UNC5C: variants seen among roughly 807,000 people sequenced by gnomAD.
UNC5C encodes the protein unc-5 netrin receptor C, also known as netrin receptor UNC5C.
UNC5C carries 47 observed loss-of-function variants against 99.8 expected under a neutral mutation model. The observed-to-expected ratio is 0.47, with a 90% CI of 0.37 to 0.60. UNC5C has a LOEUF of 0.60. Among genes scored for constraint, UNC5C ranks in the 20% least tolerant of loss-of-function variants. UNC5C has a pLI of 0.00. For synonymous variants in UNC5C, 487 were observed against 452.2 expected (o/e 1.08, Z -0.98); for missense variants, 1,062 against 1,165.9 (o/e 0.91, Z 1.30).
Position 95,202,957 on chromosome 4 carries a change from A to G in UNC5C, c.1910T>C (p.Val637Ala). 3 of 1,614,028 alleles carry G rather than the reference A, an allele frequency of 1.9e-6. No homozygotes were observed. Among genetic ancestry groups the G allele is most frequent in the Non-Finnish European group, 2.5e-6 (3 of 1,180,008 alleles). ...GGTGAAGTTTTCCTCCCCGACCACC[A>G]CCACATCCTGGGGGACAAGAGGGAA... ...QAAQGQWEDV[V>A]VVGEENFTTP... Residue 637 changes from valine (V) to alanine (A), a missense_variant, in exon 12 of 16, where the codon GTG becomes GCG. Physicochemically the swap from Val to Ala is moderately conservative, Grantham distance 64 (BLOSUM62 0). Around this residue, in one of 3 missense-constraint regions of UNC5C, gnomAD observed 810 missense variants for 854.5 expected, o/e 0.95. Transcript: ENST00000453304.
At chr4:95,206,841 T>C in intron 10 of UNC5C, 45 bp from the exon 11 acceptor site, 1 of 1,470,542 alleles carries the variant, frequency 6.8e-7, no homozygotes, top group Non-Finnish European at 9.0e-7. Flanking sequence ...TTCCATTGTA[T>C]TCATGAACTA....
intron 1 of UNC5C, among the ~76,000 whole-genome samples, chr4:95,371,427 G>A: frequency 1.7e-5 from 1 of 59,326 alleles, no homozygotes; most frequent in African/African-American, 1.1e-4. Context: ...ATTTTGTGGG[G>A]GGGGGGGAGT....
intron 1 of UNC5C, among the ~76,000 whole-genome samples, chr4:95,420,441 C>A (rs186271571): frequency 1.2e-4 from 18 of 152,008 alleles, no homozygotes; most frequent in Admixed American, 9.2e-4. Context: ...AGTTATTAGC[C>A]CTTACACTCT....
intron 1 of UNC5C, among the ~76,000 whole-genome samples, chr4:95,370,791 A>G (rs1744724070): frequency 1.3e-5 from 2 of 152,198 alleles, no homozygotes. Context: ...ATCATAAGAA[A>G]AGCACTACAT....
At chr4:95,535,279 T>G (rs1269131465) in intron 1 of UNC5C, among the ~76,000 whole-genome samples, 1 of 152,176 alleles carries the variant, frequency 6.6e-6, no homozygotes, top group Non-Finnish European at 1.5e-5. Context: ...TACCAATTTA[T>G]TTTAAGAATT....
chr4:95,456,176 C>T (rs1293521722), intron 1 of UNC5C, among the ~76,000 whole-genome samples: 1 of 151,638 alleles, frequency 6.6e-6, no homozygotes, highest in Non-Finnish European at 1.5e-5. Flanking sequence ...GCAATGAAAG[C>T]CTTAATATGG....
chr4:95,464,963 G>A (rs1747728509), intron 1 of UNC5C, among the ~76,000 whole-genome samples: 1 of 152,134 alleles, frequency 6.6e-6, no homozygotes, highest in Admixed American at 6.5e-5. Context: ...TACGACAAGT[G>A]GGTGTTAAAT....
intron 1 of UNC5C, among the ~76,000 whole-genome samples, chr4:95,386,840 G>A (rs1745224918): frequency 6.6e-6 from 1 of 151,868 alleles, no homozygotes; most frequent in Admixed American, 6.6e-5. Flanking sequence ...GTGAAGCTGT[G>A]TTTTTTTTCT....
At chr4:95,479,290 G>T (rs1221241462) in intron 1 of UNC5C, among the ~76,000 whole-genome samples, 1 of 151,892 alleles carries the variant, frequency 6.6e-6, no homozygotes, top group Non-Finnish European at 1.5e-5. Context: ...CTCACTGTGT[G>T]TCTCTATTTT....
intron 3 of UNC5C, among the ~76,000 whole-genome samples, chr4:95,287,621 A>C (rs2149398177): frequency 6.6e-6 from 1 of 152,250 alleles, no homozygotes; most frequent in South Asian, 2.1e-4. Flanking sequence ...TTTTCTCCAG[A>C]GTCTGGATTT....
intron 1 of UNC5C, among the ~76,000 whole-genome samples, chr4:95,420,266 AT>A (rs1458250190): frequency 4.6e-5 from 7 of 152,126 alleles, no homozygotes; most frequent in Non-Finnish European, 7.4e-5. Flanking sequence ...AATTCTTGTT[AT>A]TTTTTGTTGT....
At chr4:95,370,949 G>T (rs1744729684) in intron 1 of UNC5C, among the ~76,000 whole-genome samples, 1 of 152,212 alleles carries the variant, frequency 6.6e-6, no homozygotes, top group South Asian at 2.1e-4. Flanking sequence ...AGCTTGTCTT[G>T]ACGTTGTTTA....
rs186341174 is a variant in UNC5C at position 95,531,540 on chromosome 4, G to T, written c.124+17194C>A. ...AACATATTTTGGTTACCTTAAAAGT[G>T]CTTATGAGAATATTTTATTCAATAA... On this transcript the variant is annotated intron_variant, in intron 1 of 15. Coordinates refer to ENST00000453304, the MANE Select transcript of UNC5C (RefSeq NM_003728.4). 2.1e-3 allele frequency among the ~76,000 whole-genome samples: 327 copies of T among 152,264 alleles called. 4 individuals are homozygous for T. Among genetic ancestry groups the T allele is most frequent in the African/African-American group, 7.5e-3 (311 of 41,546 alleles).
chr4:95,271,290 C>T (rs974861316), intron 4 of UNC5C, among the ~76,000 whole-genome samples: 3 of 151,742 alleles, frequency 2.0e-5, no homozygotes, highest in African/African-American at 7.3e-5. Context: ...TGCAGTGGCG[C>T]GATCTCGGCT....
intron 1 of UNC5C, among the ~76,000 whole-genome samples, chr4:95,493,934 A>AT (rs1251585667): frequency 2.0e-5 from 3 of 151,422 alleles, no homozygotes; most frequent in Non-Finnish European, 4.4e-5. Context: ...TTACAACGCC[A>AT]TTTTTTCGCT....
At chr4:95,294,619 G>A (rs1240982384) in intron 3 of UNC5C, among the ~76,000 whole-genome samples, 1 of 152,162 alleles carries the variant, frequency 6.6e-6, no homozygotes, top group African/African-American at 2.4e-5. Context: ...GAAGGGGTTG[G>A]AAATTACAGT....
At chr4:95,249,164 A>G (rs189175802) in intron 5 of UNC5C, among the ~76,000 whole-genome samples, 6 of 152,330 alleles carry the variant, frequency 3.9e-5, no homozygotes, top group Admixed American at 1.3e-4. Flanking sequence ...CTATGTGTGC[A>G]GTAGGCTATA....
intron 12 of UNC5C, among the ~76,000 whole-genome samples, chr4:95,201,393 G>A (rs1390359767): frequency 6.6e-6 from 1 of 152,068 alleles, no homozygotes; most frequent in Non-Finnish European, 1.5e-5. Flanking sequence ...TCCATCACAC[G>A]TTCCTGCATA....
At chr4:95,307,223 T>A (rs1393724012) in intron 2 of UNC5C, among the ~76,000 whole-genome samples, 1 of 152,078 alleles carries the variant, frequency 6.6e-6, no homozygotes, top group African/African-American at 2.4e-5. Context: ...ACACAAAATT[T>A]ACCTACTCTT....
Sources: gnomAD v4.1 joint callset for allele counts (sites outside exome capture counted in the v4.1 genomes callset) on GRCh38, gnomAD v4.1.1 for gene constraint, gnomAD v4.1.1 regional missense constraint, MANE v1.5 for transcripts, NCBI Gene and HGNC (gene_info 2026-07-23, HGNC 2026-07-21) for gene names.